Variants in PPM1H observed in about 807,000 individuals in gnomAD.
PPM1H encodes protein phosphatase, Mg2+/Mn2+ dependent 1H, also known as protein phosphatase 1H.
In PPM1H, 27 loss-of-function variants were observed where a neutral mutation model predicts 54.9. That is an observed-to-expected ratio of 0.49 (90% CI 0.36 to 0.68). The LOEUF (loss-of-function observed/expected upper bound fraction) is 0.68. PPM1H is among the 30% of genes least tolerant of loss of function. PPM1H has a pLI of 0.00. For missense variants in PPM1H, 596 were observed against 667.8 expected, an observed-to-expected ratio of 0.89 and a Z score of 1.19; for synonymous variants, 305 against 270.8, an observed-to-expected ratio of 1.13 and a Z score of -1.24.
At chr12:62,835,980 G>T (rs1868490640) in intron 1 of PPM1H, among the ~76,000 whole-genome samples, 1 of 152,236 alleles carries the variant, frequency 6.6e-6, no homozygotes, top group African/African-American at 2.4e-5. Flanking sequence ...GGAGCAGCAT[G>T]CTGTTAACAG....
At chr12:62,753,878 T>C (rs146097701) in intron 4 of PPM1H, among the ~76,000 whole-genome samples, 82 of 152,330 alleles carry the variant, frequency 5.4e-4, no homozygotes, top group Non-Finnish European at 1.0e-3. Context: ...TGGGCTTTCT[T>C]GTTCTGATTC....
At chr12:62,732,738 ATT>A (rs1201481180) in intron 5 of PPM1H, among the ~76,000 whole-genome samples, 1 of 151,790 alleles carries the variant, frequency 6.6e-6, no homozygotes. Flanking sequence ...CGCCCGGCTA[ATT>A]TTTTTGTATT....
At chr12:62,888,030 G>C (rs1331326889) in intron 1 of PPM1H, among the ~76,000 whole-genome samples, 1 of 152,168 alleles carries the variant, frequency 6.6e-6, no homozygotes, top group African/African-American at 2.4e-5. Context: ...GATCATTCTG[G>C]GAGCTGAATG....
intron 1 of PPM1H, among the ~76,000 whole-genome samples, chr12:62,835,712 ATTTAAAGTCACTGTG>A (rs1329255977): frequency 6.6e-6 from 1 of 152,096 alleles, no homozygotes; most frequent in Non-Finnish European, 1.5e-5. Flanking sequence ...TTAAATATCA[ATTTAAAGTCACTGTG>A]TTTAAAAAAA....
intron 6 of PPM1H, among the ~76,000 whole-genome samples, chr12:62,699,236 G>A (rs773195142): frequency 4.6e-5 from 7 of 151,658 alleles, no homozygotes; most frequent in Admixed American, 6.6e-5. Context: ...CACTCTTGTC[G>A]CCCAAGCTTA....
intron 1 of PPM1H, among the ~76,000 whole-genome samples, chr12:62,930,836 T>G (rs1038861219): frequency 6.6e-6 from 1 of 152,244 alleles, no homozygotes; most frequent in East Asian, 1.9e-4. Flanking sequence ...AGATGTTATC[T>G]ATAACTACAA....
chr12:62,834,660 T>C (rs1187379632), intron 1 of PPM1H, among the ~76,000 whole-genome samples: 1 of 152,204 alleles, frequency 6.6e-6, no homozygotes, highest in African/African-American at 2.4e-5. Context: ...AACAGGTGGC[T>C]CAGATCTGCC....
chr12:62,915,629 GCAGCC>G (rs1871598383), intron 1 of PPM1H, among the ~76,000 whole-genome samples: 1 of 152,168 alleles, frequency 6.6e-6, no homozygotes, highest in Non-Finnish European at 1.5e-5. Context: ...GTACCCAAGA[GCAGCC>G]CAGCAAGAGT....
At chr12:62,828,932 T>TAA (rs66531831) in intron 2 of PPM1H, among the ~76,000 whole-genome samples, 2,574 of 150,812 alleles carry the variant, frequency 0.017, 84 homozygotes, top group African/African-American at 0.061. Flanking sequence ...TGATTACTAT[T>TAA]AAAAAAAGAA....
chr12:62,730,033 A>G (rs2076311679), intron 5 of PPM1H, among the ~76,000 whole-genome samples: 1 of 151,936 alleles, frequency 6.6e-6, no homozygotes, highest in South Asian at 2.1e-4. Flanking sequence ...CTGGCTCAAA[A>G]GCTCCCCTAC....
intron 1 of PPM1H, among the ~76,000 whole-genome samples, chr12:62,858,000 T>C (rs1266769724): frequency 1.3e-5 from 2 of 152,016 alleles, no homozygotes; most frequent in Admixed American, 6.6e-5. Context: ...TGGCTCCCCT[T>C]TGACCCATCT....
At chr12:62,841,783 A>G (rs1465657085) in intron 1 of PPM1H, among the ~76,000 whole-genome samples, 1 of 152,188 alleles carries the variant, frequency 6.6e-6, no homozygotes, top group Admixed American at 6.5e-5. Flanking sequence ...CTTCACCAAT[A>G]TAATTAAATA....
At chr12:62,792,140 A>G (rs1485063977) in intron 3 of PPM1H, among the ~76,000 whole-genome samples, 3 of 152,306 alleles carry the variant, frequency 2.0e-5, no homozygotes, top group African/African-American at 7.2e-5. Flanking sequence ...TAGGTACATT[A>G]TTTATCATGG....
chr12:62,842,064 C>A (rs904429069), intron 1 of PPM1H, among the ~76,000 whole-genome samples: 32 of 152,278 alleles, frequency 2.1e-4, no homozygotes, highest in African/African-American at 6.3e-4. Flanking sequence ...TGGAACAATT[C>A]CCGTAGAAGG....
intron 1 of PPM1H, among the ~76,000 whole-genome samples, chr12:62,879,834 C>T (rs1055820284): frequency 2.0e-5 from 3 of 152,020 alleles, no homozygotes; most frequent in Non-Finnish European, 4.4e-5. Context: ...GCTGGCCAGG[C>T]GCCTCTGCAC....
Position 62,646,480 on chromosome 12 carries a change from CAT to C in PPM1H, c.*2007_*2008del, listed in dbSNP as rs1421243871. 1 of 152,230 alleles carries C rather than the reference CAT, an allele frequency of 6.6e-6. No individual in the cohort carries two copies. Among genetic ancestry groups the C allele is most frequent in the Non-Finnish European group, 1.5e-5 (1 of 68,064 alleles). 9.4% of individuals were successfully genotyped at this position (152,230 alleles called of 1,614,324 possible). A position where few individuals can be genotyped will look rare whatever the true frequency, so the allele number is the denominator to read the frequency against. On this transcript the variant is annotated 3_prime_UTR_variant, in exon 10 of 10. Transcript: ENST00000228705. Reference sequence around the variant, plus strand: ...GACTTGCTCAGGTTTCCTACTTACACATGACTCTGAGTGCCAGGGCAGAACAG... The same window carrying C: ...GACTTGCTCAGGTTTCCTACTTACACGACTCTGAGTGCCAGGGCAGAACAG...
chr12:62,726,712 C>T (rs1267019212), intron 5 of PPM1H, among the ~76,000 whole-genome samples: 1 of 152,192 alleles, frequency 6.6e-6, no homozygotes, highest in African/African-American at 2.4e-5. Flanking sequence ...TTGGAAACTT[C>T]TTAGGGCCTG....
chr12:62,754,337 G>A (rs771148837), intron 4 of PPM1H, among the ~76,000 whole-genome samples: 3 of 152,162 alleles, frequency 2.0e-5, no homozygotes, highest in East Asian at 1.9e-4. Context: ...AGGCTGAGAC[G>A]GGAGGATCAC....
At chr12:62,709,792 C>G (rs568305435) in intron 6 of PPM1H, among the ~76,000 whole-genome samples, 1 of 152,156 alleles carries the variant, frequency 6.6e-6, no homozygotes, top group African/African-American at 2.4e-5. Context: ...CCAGAAAGGC[C>G]GGGCGTGGTG....
Sources: gnomAD v4.1 joint callset for allele counts (sites outside exome capture counted in the v4.1 genomes callset) on GRCh38, gnomAD v4.1.1 for gene constraint, MANE v1.5 for transcripts, NCBI Gene and HGNC (gene_info 2026-07-23, HGNC 2026-07-21) for gene names.